Variants in CDC42BPA observed in about 807,000 individuals in gnomAD.
CDC42BPA encodes the protein CDC42 binding protein kinase alpha.
Under a neutral mutation model 223.5 loss-of-function variants are expected in CDC42BPA, and 80 were observed. The ratio of observed to expected loss-of-function variants is 0.36; its 90% CI spans 0.30 to 0.43. The LOEUF is 0.43. Among genes scored for constraint, CDC42BPA ranks in the 20% least tolerant of loss-of-function variants. CDC42BPA has a pLI of 1.00. For missense variants in CDC42BPA, 1,743 were observed against 2,099.9 expected (o/e 0.83, Z 3.32); for synonymous variants, 694 against 718.6 (o/e 0.97, Z 0.55).
At chr1:227,103,394 A>G (rs1318500964) in intron 14 of CDC42BPA, among the ~76,000 whole-genome samples, 2 of 152,124 alleles carry the variant, frequency 1.3e-5, no homozygotes, top group African/African-American at 2.4e-5. Flanking sequence ...TCTGATTTAT[A>G]TGAGAAACCT....
At chr1:227,287,258 A>C (rs1411979227) in intron 1 of CDC42BPA, among the ~76,000 whole-genome samples, 1 of 152,094 alleles carries the variant, frequency 6.6e-6, no homozygotes, top group Non-Finnish European at 1.5e-5. Context: ...TACATCACAG[A>C]CCTGAGACTG....
chr1:227,186,066 C>G (rs948475784), intron 5 of CDC42BPA, among the ~76,000 whole-genome samples: 13 of 152,232 alleles, frequency 8.5e-5, no homozygotes, highest in Non-Finnish European at 2.9e-5. Flanking sequence ...TAAAAACCCA[C>G]AGCAGAAACC....
At chr1:227,172,472 C>T (rs1324465812) in intron 5 of CDC42BPA, among the ~76,000 whole-genome samples, 1 of 151,856 alleles carries the variant, frequency 6.6e-6, no homozygotes, top group East Asian at 1.9e-4. Flanking sequence ...ACCCACATAC[C>T]ACATTTAAAA....
At chr1:227,307,798 A>T (rs1044538634) in intron 1 of CDC42BPA, among the ~76,000 whole-genome samples, 3 of 152,204 alleles carry the variant, frequency 2.0e-5, no homozygotes, top group African/African-American at 7.2e-5. Context: ...GTCCTAAATG[A>T]ACAACACATC....
chr1:227,035,398 A>T, intron 25 of CDC42BPA, 73 bp downstream of exon 25: 1 of 1,166,442 alleles, frequency 8.6e-7, no homozygotes, highest in Non-Finnish European at 1.2e-6. Flanking sequence ...ATCCTCTTAA[A>T]CTAACTGGAT....
intron 1 of CDC42BPA, among the ~76,000 whole-genome samples, chr1:227,254,638 CTG>C (rs1255961351): frequency 6.6e-6 from 1 of 152,154 alleles, no homozygotes; most frequent in Non-Finnish European, 1.5e-5. Context: ...GTGGCAATGA[CTG>C]GAGTTTTTAA....
chr1:227,083,280 A>AT (rs1558457938), intron 16 of CDC42BPA, among the ~76,000 whole-genome samples: 8 of 151,864 alleles, frequency 5.3e-5, no homozygotes, highest in African/African-American at 1.9e-4. Flanking sequence ...TAGTCTAAAA[A>AT]ATTTTTTTTT....
At chr1:227,070,073 T>C (rs1677956775) in intron 20 of CDC42BPA, among the ~76,000 whole-genome samples, 1 of 151,922 alleles carries the variant, frequency 6.6e-6, no homozygotes, top group Admixed American at 6.6e-5. Context: ...GAAATGCTTA[T>C]TTATGTTACT....
intron 16 of CDC42BPA, among the ~76,000 whole-genome samples, chr1:227,084,782 G>A (rs764296524): frequency 3.4e-4 from 51 of 152,018 alleles, no homozygotes; most frequent in Non-Finnish European, 7.1e-4. Context: ...AACTTGACTG[G>A]TCCACAAGGT....
intron 35 of CDC42BPA, chr1:227,004,586 A>C: frequency 4.2e-6 from 1 of 239,180 alleles, no homozygotes. Flanking sequence ...ATGTAGCCAT[A>C]CTAGCCTTCT....
chr1:227,209,554 T>C (rs1172421207), intron 3 of CDC42BPA, among the ~76,000 whole-genome samples: 1 of 140,622 alleles, frequency 7.1e-6, no homozygotes, highest in Non-Finnish European at 1.5e-5. Context: ...TTATTGAGAG[T>C]TTTTAGCATG....
chr1:227,138,094 T>TA (rs1658965289), intron 10 of CDC42BPA, among the ~76,000 whole-genome samples: 1 of 152,054 alleles, frequency 6.6e-6, no homozygotes, highest in African/African-American at 2.4e-5. Context: ...CTTAACAACT[T>TA]ACGGAAAAAC....
intron 30 of CDC42BPA, among the ~76,000 whole-genome samples, chr1:227,027,227 G>A (rs1260391437): frequency 2.0e-5 from 3 of 152,080 alleles, no homozygotes; most frequent in African/African-American, 7.2e-5. Flanking sequence ...CAGGATGGAG[G>A]GTGGGGGAAA....
At chr1:227,126,747 T>G (rs1048078746) in intron 11 of CDC42BPA, among the ~76,000 whole-genome samples, 3 of 152,156 alleles carry the variant, frequency 2.0e-5, no homozygotes, top group African/African-American at 7.2e-5. Context: ...AAATCGTATG[T>G]TCATATCAAT....
At chr1:227,020,833 C>G (rs193151617) in intron 32 of CDC42BPA, among the ~76,000 whole-genome samples, 81 of 152,258 alleles carry the variant, frequency 5.3e-4, no homozygotes, top group Non-Finnish European at 1.2e-4. Flanking sequence ...TTTCAATATG[C>G]CTTCCTCATT....
intron 1 of CDC42BPA, among the ~76,000 whole-genome samples, chr1:227,297,598 T>G (rs1286315697): frequency 1.3e-5 from 2 of 152,150 alleles, no homozygotes; most frequent in African/African-American, 2.4e-5. Context: ...GGAATATTAT[T>G]CAGCCATAAA....
At chr1:227,084,546 T>A (rs112559801) in intron 16 of CDC42BPA, among the ~76,000 whole-genome samples, 18,229 of 119,666 alleles carry the variant, frequency 0.15, 1,221 homozygotes, top group East Asian at 0.24. Context: ...AAAAAAAAAA[T>A]TTTTTTTTCA....
intron 2 of CDC42BPA, among the ~76,000 whole-genome samples, chr1:227,217,442 T>C (rs539781561): frequency 6.8e-6 from 1 of 146,540 alleles, no homozygotes; most frequent in South Asian, 2.2e-4. Context: ...AGTGAGACTC[T>C]GTCTCAAAAA....
At chr1:227,166,783 G>A (rs1483584697) in intron 5 of CDC42BPA, among the ~76,000 whole-genome samples, 1 of 152,038 alleles carries the variant, frequency 6.6e-6, no homozygotes, top group Non-Finnish European at 1.5e-5. Flanking sequence ...GTGCCTCAAT[G>A]CCTCTGCTGA....
Sources: allele counts gnomAD v4.1 joint callset (sites outside exome capture counted in the v4.1 genomes callset), GRCh38; gene constraint gnomAD v4.1.1; transcripts MANE v1.5; gene names NCBI Gene and HGNC (gene_info 2026-07-23, HGNC 2026-07-21).